Variants in C1orf146 observed in about 807,000 individuals in gnomAD.
C1orf146 encodes protein SPO16 homolog.
In C1orf146, 22 loss-of-function variants were observed where a neutral mutation model predicts 23.0. That is an observed-to-expected ratio of 0.96 (90% CI 0.68 to 1.36). C1orf146 has a LOEUF of 1.36. Among genes scored for constraint, C1orf146 ranks in the 40% most tolerant of loss-of-function variants. The pLI is 0.00. For synonymous variants in C1orf146, 59 were observed against 65.3 expected (o/e 0.90, Z 0.47); for missense variants, 199 against 206.8 (o/e 0.96, Z 0.23).
At chr1:92,237,502 G>C (rs1251211221) in intron 2 of C1orf146, among the ~76,000 whole-genome samples, 1 of 152,170 alleles carries the variant, frequency 6.6e-6, no homozygotes, top group African/African-American at 2.4e-5. Context: ...CGTATGAGGT[G>C]TCAGTCTGCC....
At chr1:92,234,488 T>G (rs1274310455) in intron 2 of C1orf146, among the ~76,000 whole-genome samples, 1 of 152,248 alleles carries the variant, frequency 6.6e-6, no homozygotes, top group Admixed American at 6.5e-5. Flanking sequence ...ATAAGCTTTT[T>G]GATGTGCTGC....
rs746026449 is a variant in C1orf146 at position 92,242,168 on chromosome 1, G to A, written c.67-44G>A. ...TTTTTTCTTTAGCTTTAATACAATT[G>A]TAAGCATGCCTTAAATTTGTATTTC... On this transcript the variant is annotated intron_variant, in intron 2 of 5. Coordinates refer to ENST00000370375, the MANE Select transcript of C1orf146 (RefSeq NM_001012425.2). 8 of 1,105,366 alleles carry A rather than the reference G, an allele frequency of 7.2e-6. No individual in the cohort carries two copies. The African/African-American group carries it at 1.1e-4, about 15-fold the overall frequency. The allele number at this position is 1,105,366 out of a possible 1,614,324, so 68.5% of individuals were successfully genotyped here. A position where few individuals can be genotyped will look rare whatever the true frequency, so the allele number is the denominator to read the frequency against.
rs561963143 is a variant in C1orf146, at chr1:92,237,904, C to G, written c.67-4308C>G. Among the ~76,000 whole-genome samples, 3 of 152,118 alleles carry G rather than the reference C, an allele frequency of 2.0e-5. No individual in the cohort carries two copies. The South Asian group carries it at 6.2e-4, about 32-fold the overall frequency. ...TTCCTGTTTTTACTTACATTTTCTT[C>G]CTTATGAGTGATAGACATACTAGTT... On this transcript the variant is annotated intron_variant, in intron 2 of 5. Transcript: ENST00000370375.
At chr1:92,224,450 G>A (rs562122138) in intron 1 of C1orf146, among the ~76,000 whole-genome samples, 33 of 152,240 alleles carry the variant, frequency 2.2e-4, no homozygotes, top group African/African-American at 7.7e-4. Flanking sequence ...CTAACTCAGG[G>A]TCACAATTAT....
At chr1:92,222,489 C>G (rs1054904756) in intron 1 of C1orf146, among the ~76,000 whole-genome samples, 4 of 149,930 alleles carry the variant, frequency 2.7e-5, no homozygotes, top group African/African-American at 9.9e-5. Flanking sequence ...AAGGTTTCCT[C>G]CTTCCCTTCT....
chr1:92,237,655 C>T (rs1652329912), intron 2 of C1orf146, among the ~76,000 whole-genome samples: 1 of 152,194 alleles, frequency 6.6e-6, no homozygotes, highest in Admixed American at 6.5e-5. Context: ...GCAGAAATCA[C>T]CTGTCTTCTG....
intron 2 of C1orf146, among the ~76,000 whole-genome samples, chr1:92,240,191 T>G (rs1390169219): frequency 1.3e-5 from 2 of 152,228 alleles, no homozygotes; most frequent in Non-Finnish European, 2.9e-5. Flanking sequence ...CTGTGAGAGC[T>G]GTTCTATTTT....
intron 1 of C1orf146, among the ~76,000 whole-genome samples, chr1:92,224,454 C>T (rs529407849): frequency 1.3e-4 from 20 of 152,256 alleles, no homozygotes; most frequent in African/African-American, 4.8e-4. Flanking sequence ...CTCAGGGTCA[C>T]AATTATTATG....
chr1:92,231,634 A>G, intron 2 of C1orf146, 148 bp downstream of exon 2: 1 of 481,488 alleles, frequency 2.1e-6, no homozygotes, highest in Admixed American at 4.0e-5. Context: ...TATTTTAAAG[A>G]TAAATTAATA....
chr1:92,226,222 A>T lies in C1orf146; in HGVS notation c.-39-5160A>T, dbSNP rs112334663. 7.7e-3 allele frequency among the ~76,000 whole-genome samples: 1,176 copies of T among 152,114 alleles called. 6 individuals carry two copies. Among genetic ancestry groups the T allele is most frequent in the African/African-American group, 0.027 (1,127 of 41,470 alleles). On this transcript the variant is annotated intron_variant, in intron 1 of 5. Coordinates refer to ENST00000370375, the MANE Select transcript of C1orf146 (RefSeq NM_001012425.2). ...TTATAGGAATATTTTGTAGTACACC[A>T]CTTTGATTCCTCTGACTTCTAAATT... is the stretch of plus-strand genomic sequence containing the variant.
intron 2 of C1orf146, 63 bp from the exon 3 acceptor site, chr1:92,242,149 C>A: frequency 2.4e-6 from 2 of 817,880 alleles, no homozygotes; most frequent in Non-Finnish European, 3.7e-6. Context: ...TTAATTTTTT[C>A]TTTAGCTTTA....
intron 2 of C1orf146, among the ~76,000 whole-genome samples, chr1:92,235,528 A>G (rs1652252699): frequency 6.6e-6 from 1 of 152,216 alleles, no homozygotes; most frequent in Non-Finnish European, 1.5e-5. Flanking sequence ...CTTTACTTCC[A>G]ACTATGTGGT....
chr1:92,219,986 C>G (rs905381491), intron 1 of C1orf146, among the ~76,000 whole-genome samples: 22 of 152,114 alleles, frequency 1.4e-4, no homozygotes, highest in Non-Finnish European at 2.9e-4. Flanking sequence ...TTATTTTGCT[C>G]AAATTGTTCC....
chr1:92,243,566 C>G (rs528433834), intron 3 of C1orf146, among the ~76,000 whole-genome samples: 1 of 152,088 alleles, frequency 6.6e-6, no homozygotes, highest in Non-Finnish European at 1.5e-5. Flanking sequence ...AGGCTGGTCT[C>G]GAACTCCTGA....
intron 3 of C1orf146, 112 bp downstream of exon 3, chr1:92,242,417 A>G (rs1652453544): frequency 2.0e-6 from 1 of 496,702 alleles, no homozygotes. Context: ...GGAAGGGTAA[A>G]TGTGTAAAAC....
chr1:92,227,386 C>CA (rs1447134861), intron 1 of C1orf146, among the ~76,000 whole-genome samples: 1 of 151,852 alleles, frequency 6.6e-6, no homozygotes, highest in Non-Finnish European at 1.5e-5. Flanking sequence ...ACTAAAAATA[C>CA]AAAAAAATTA....
chr1:92,222,829 G>A (rs957441226), intron 1 of C1orf146, among the ~76,000 whole-genome samples: 9 of 151,742 alleles, frequency 5.9e-5, no homozygotes, highest in Non-Finnish European at 1.2e-4. Context: ...CTTGTGATCC[G>A]CCCACCTCGG....
intron 1 of C1orf146, among the ~76,000 whole-genome samples, chr1:92,222,742 A>T (rs1570784483): frequency 6.6e-6 from 1 of 150,696 alleles, no homozygotes; most frequent in Non-Finnish European, 1.5e-5. Context: ...GCCTGCCACC[A>T]CGCCCGGCTA....
chr1:92,228,557 T>C (rs1652026522), intron 1 of C1orf146, among the ~76,000 whole-genome samples: 2 of 152,196 alleles, frequency 1.3e-5, no homozygotes, highest in Non-Finnish European at 2.9e-5. Context: ...ACTCTCCAGA[T>C]TGTCTGATTG....
Sources: gnomAD v4.1 joint callset for allele counts (sites outside exome capture counted in the v4.1 genomes callset) on GRCh38, gnomAD v4.1.1 for gene constraint, MANE v1.5 for transcripts, NCBI Gene and HGNC (gene_info 2026-07-23, HGNC 2026-07-21) for gene names.